PTPRD: variants seen among roughly 807,000 people sequenced by gnomAD.
PTPRD encodes receptor-type tyrosine-protein phosphatase delta.
In PTPRD, 34 loss-of-function variants were observed where a neutral mutation model predicts 214.5. The observed-to-expected ratio is 0.16, with a 90% confidence interval of 0.12 to 0.21. The LOEUF is 0.21. Among genes scored for constraint, PTPRD ranks in the 10% least tolerant of loss-of-function variants. The pLI is 1.00. For missense variants in PTPRD, 2,545 were observed against 2,398.7 expected, an observed-to-expected ratio of 1.06 and a Z score of -1.27; for synonymous variants, 1,128 against 845.7, an observed-to-expected ratio of 1.33 and a Z score of -5.79.
intron 2 of PTPRD, among the ~76,000 whole-genome samples, chr9:10,353,900 G>A (rs2097222992): frequency 6.6e-6 from 1 of 151,550 alleles, no homozygotes. Flanking sequence ...TAAGTCATTA[G>A]GAATCTCCAA....
At chr9:8,732,391 A>G (rs1172602913) in intron 12 of PTPRD, among the ~76,000 whole-genome samples, 1 of 152,228 alleles carries the variant, frequency 6.6e-6, no homozygotes, top group Non-Finnish European at 1.5e-5. Context: ...AACAATGGTG[A>G]AACAACTTAC....
intron 3 of PTPRD, among the ~76,000 whole-genome samples, chr9:10,163,270 T>G (rs771144530): frequency 2.6e-5 from 4 of 151,364 alleles, no homozygotes; most frequent in Non-Finnish European, 4.5e-5. Context: ...TCCTGGACCC[T>G]AAATCCACCC....
In PTPRD at chr9:8,829,650, T is replaced by C. The variant is rs77299725; in HGVS notation, c.-103-95704A>G. On this transcript the variant is annotated intron_variant, in intron 11 of 45. Coordinates refer to ENST00000381196, the MANE Select transcript of PTPRD (RefSeq NM_002839.4). ...GTCCAGCACTTGACAGAGCATCAAC[T>C]ACCTCCTGGGAGCTCGGTTACTAGG... 4.5e-3 allele frequency among the ~76,000 whole-genome samples: 679 copies of C among 152,296 alleles called. 3 individuals carry two copies. The highest frequency in any genetic ancestry group is 7.9e-3 in the Non-Finnish European group (537 of 68,024).
At chr9:10,025,765 T>C (rs1439968204) in intron 4 of PTPRD, among the ~76,000 whole-genome samples, 3 of 152,168 alleles carry the variant, frequency 2.0e-5, no homozygotes, top group Non-Finnish European at 4.4e-5. Context: ...CCACTGACTT[T>C]AAAGAAATTT....
intron 8 of PTPRD, among the ~76,000 whole-genome samples, chr9:9,548,269 A>C (rs2154279609): frequency 6.6e-6 from 1 of 152,098 alleles, no homozygotes; most frequent in East Asian, 1.9e-4. Flanking sequence ...ACAGACCTAA[A>C]CCCAAATTTA....
chr9:10,446,417 CTTTTTT>C (rs34478548), intron 2 of PTPRD, among the ~76,000 whole-genome samples: 55 of 92,960 alleles, frequency 5.9e-4, no homozygotes, highest in East Asian at 1.6e-3. Context: ...CTATTTTTTT[CTTTTTT>C]TTTTTTTTTT....
chr9:10,306,278 G>GC (rs2096065223), intron 3 of PTPRD, among the ~76,000 whole-genome samples: 1 of 137,446 alleles, frequency 7.3e-6, no homozygotes, highest in African/African-American at 3.5e-5. Context: ...GTCGTGGGGT[G>GC]GGGGGGGCTA....
At position 9,116,586 on chromosome 9, in the gene PTPRD, C is replaced by G. The variant is rs570971110; in HGVS notation, c.-143+66718G>C. ...CCACTATACAATTCATCCATGTAAC[C>G]CAAAACCATTTGTATCCCTAAAGCT... is the stretch of plus-strand genomic sequence containing the variant. On this transcript the variant is annotated intron_variant, in intron 10 of 45. Coordinates refer to ENST00000381196, the MANE Select transcript of PTPRD (RefSeq NM_002839.4). Among the ~76,000 whole-genome samples, 14 of 152,138 alleles carry G rather than the reference C, an allele frequency of 9.2e-5. No individual in the cohort carries two copies. In the Middle Eastern group the frequency reaches 0.01, roughly 111 times the overall value.
chr9:9,460,468 A>T (rs1356319422), intron 8 of PTPRD, among the ~76,000 whole-genome samples: 2 of 152,070 alleles, frequency 1.3e-5, no homozygotes, highest in Non-Finnish European at 2.9e-5. Context: ...TCTACAAATA[A>T]TCTAAACGAA....
At chr9:9,717,865 CA>C (rs2097860932) in intron 7 of PTPRD, among the ~76,000 whole-genome samples, 1 of 151,532 alleles carries the variant, frequency 6.6e-6, no homozygotes, top group African/African-American at 2.4e-5. Context: ...ACACTTAGGG[CA>C]AAAAATATAT....
At chr9:9,478,202 G>A (rs1288062171) in intron 8 of PTPRD, among the ~76,000 whole-genome samples, 3 of 152,040 alleles carry the variant, frequency 2.0e-5, no homozygotes, top group African/African-American at 4.8e-5. Context: ...ATTTGTGCCC[G>A]GGTCTTTCTA....
At chr9:10,240,899 T>C (rs1318293543) in intron 3 of PTPRD, among the ~76,000 whole-genome samples, 1 of 151,710 alleles carries the variant, frequency 6.6e-6, no homozygotes, top group East Asian at 1.9e-4. Flanking sequence ...AACCTTTTGC[T>C]CATTAAAAGA....
intron 7 of PTPRD, among the ~76,000 whole-genome samples, chr9:9,710,607 T>C (rs997527802): frequency 1.3e-5 from 2 of 152,088 alleles, no homozygotes; most frequent in African/African-American, 4.8e-5. Context: ...CTATTCTGTT[T>C]TTTTTTTAAT....
chr9:10,359,067 C>T (rs2097330468), intron 2 of PTPRD, among the ~76,000 whole-genome samples: 1 of 151,990 alleles, frequency 6.6e-6, no homozygotes, highest in African/African-American at 2.4e-5. Context: ...TACCTAATGT[C>T]ACAATGTGGA....
chr9:9,651,756 C>T (rs1244529353), intron 7 of PTPRD, among the ~76,000 whole-genome samples: 1 of 149,036 alleles, frequency 6.7e-6, no homozygotes, highest in African/African-American at 2.5e-5. Flanking sequence ...GGGTATATAT[C>T]CATTAATGGG....
intron 11 of PTPRD, among the ~76,000 whole-genome samples, chr9:8,790,989 G>C (rs2096207750): frequency 6.6e-6 from 1 of 152,152 alleles, no homozygotes; most frequent in African/African-American, 2.4e-5. Flanking sequence ...GAAAGTGATA[G>C]TAGGCAGTGC....
intron 3 of PTPRD, among the ~76,000 whole-genome samples, chr9:10,330,301 A>C (rs755886858): frequency 8.6e-5 from 13 of 151,852 alleles, no homozygotes; most frequent in Non-Finnish European, 1.6e-4. Flanking sequence ...TAGAGGAAAA[A>C]TAATAAAACA....
intron 6 of PTPRD, among the ~76,000 whole-genome samples, chr9:9,757,659 G>A (rs956656337): frequency 5.9e-5 from 9 of 151,896 alleles, no homozygotes; most frequent in African/African-American, 2.2e-4. Context: ...AAGGATGTGG[G>A]GTTTGGGATT....
chr9:8,833,489 T>A (rs1176539380), intron 11 of PTPRD, among the ~76,000 whole-genome samples: 2 of 151,972 alleles, frequency 1.3e-5, no homozygotes, highest in African/African-American at 4.8e-5. Context: ...GCCTCTAGAT[T>A]TCAAAGCAAA....
Sources: allele counts gnomAD v4.1 joint callset (sites outside exome capture counted in the v4.1 genomes callset), GRCh38; gene constraint gnomAD v4.1.1; transcripts MANE v1.5; gene names NCBI Gene and HGNC (gene_info 2026-07-23, HGNC 2026-07-21).